Variants in ARL15 observed in about 807,000 individuals in gnomAD.
ARL15 encodes ARF like GTPase 15.
In ARL15, 19 loss-of-function variants were observed where a neutral mutation model predicts 25.2. That is an observed-to-expected ratio of 0.75 (90% CI 0.53 to 1.10). The LOEUF (loss-of-function observed/expected upper bound fraction) is 1.10, where lower values mean the gene tolerates loss of function less well. Ranked by LOEUF, ARL15 falls within the 50% of genes least tolerant of loss-of-function variation. The pLI, the probability that ARL15 is intolerant of heterozygous loss-of-function variation, is 0.00. For synonymous variants in ARL15, 94 were observed against 86.8 expected (o/e 1.08, Z -0.46); for missense variants, 220 against 246.0 (o/e 0.89, Z 0.71).
At chr5:54,155,346 T>C (rs1387224948) in intron 2 of ARL15, among the ~76,000 whole-genome samples, 1 of 152,156 alleles carries the variant, frequency 6.6e-6, no homozygotes, top group African/African-American at 2.4e-5. Flanking sequence ...AAAGTTAATG[T>C]CTTATAATTC....
At chr5:54,167,268 G>A (rs1018806647) in intron 2 of ARL15, among the ~76,000 whole-genome samples, 1 of 152,066 alleles carries the variant, frequency 6.6e-6, no homozygotes, top group African/African-American at 2.4e-5. Context: ...TTCTCTCTCT[G>A]TACAACTCTT....
chr5:54,209,366 G>A (rs1201177208), intron 1 of ARL15, among the ~76,000 whole-genome samples: 1 of 151,832 alleles, frequency 6.6e-6, no homozygotes, highest in African/African-American at 2.4e-5. Context: ...GCTAAATACA[G>A]TAGTTGAAAT....
At chr5:54,177,755 A>G (rs1428170603) in intron 1 of ARL15, among the ~76,000 whole-genome samples, 2 of 152,092 alleles carry the variant, frequency 1.3e-5, no homozygotes, top group Non-Finnish European at 2.9e-5. Context: ...ATTCCTTCAC[A>G]TGGTCTGAGC....
chr5:54,291,910 A>G (rs1361768704), intron 1 of ARL15, among the ~76,000 whole-genome samples: 1 of 152,158 alleles, frequency 6.6e-6, no homozygotes, highest in Non-Finnish European at 1.5e-5. Flanking sequence ...TTGGGTTCAC[A>G]GCCAATTTCT....
At chr5:54,116,461 T>C (rs1050012647) in intron 3 of ARL15, among the ~76,000 whole-genome samples, 1 of 152,096 alleles carries the variant, frequency 6.6e-6, no homozygotes, top group Admixed American at 6.6e-5. Context: ...ACAAAAATAG[T>C]GTGCATGTGT....
At chr5:54,014,346 A>C (rs777508466) in intron 4 of ARL15, among the ~76,000 whole-genome samples, 1 of 152,128 alleles carries the variant, frequency 6.6e-6, no homozygotes, top group Non-Finnish European at 1.5e-5. Context: ...TCTTGTACCT[A>C]TTGCAGAAAA....
chr5:54,038,841 T>C (rs944800265), intron 4 of ARL15, among the ~76,000 whole-genome samples: 63 of 152,244 alleles, frequency 4.1e-4, no homozygotes, highest in African/African-American at 1.4e-3. Flanking sequence ...CATTTCCAAA[T>C]TATAAATTCA....
At chr5:54,047,533 T>A (rs1412135738) in intron 4 of ARL15, among the ~76,000 whole-genome samples, 1 of 152,204 alleles carries the variant, frequency 6.6e-6, no homozygotes, top group Non-Finnish European at 1.5e-5. Flanking sequence ...AGTAAAGGAC[T>A]CTGCTAGGGC....
intron 2 of ARL15, among the ~76,000 whole-genome samples, chr5:54,160,774 G>A (rs1754380748): frequency 6.6e-6 from 1 of 152,264 alleles, no homozygotes; most frequent in South Asian, 2.1e-4. Context: ...TTCTCTTTCT[G>A]AAGAAAAGGC....
intron 1 of ARL15, among the ~76,000 whole-genome samples, chr5:54,274,985 CTG>C (rs559393422): frequency 2.4e-4 from 36 of 152,344 alleles, no homozygotes; most frequent in African/African-American, 8.2e-4. Context: ...AGGAACAACT[CTG>C]TGTGCTTATG....
At chr5:54,214,507 C>G (rs1376821809) in intron 1 of ARL15, among the ~76,000 whole-genome samples, 1 of 152,150 alleles carries the variant, frequency 6.6e-6, no homozygotes, top group Non-Finnish European at 1.5e-5. Context: ...GCCTCTTCAC[C>G]ATTTGTCATT....
chr5:54,232,065 C>T (rs6892938), intron 1 of ARL15, among the ~76,000 whole-genome samples: 10,992 of 152,172 alleles, frequency 0.072, 529 homozygotes, highest in African/African-American at 0.13. Context: ...CTCCAGAACC[C>T]TCTCCTTTTC....
intron 1 of ARL15, among the ~76,000 whole-genome samples, chr5:54,290,200 T>G (rs1214572408): frequency 1.3e-5 from 2 of 152,228 alleles, no homozygotes; most frequent in Admixed American, 6.5e-5. Context: ...AACATCCATT[T>G]TTTAGCCAGG....
chr5:54,129,101 C>G (rs1477168642), intron 3 of ARL15, among the ~76,000 whole-genome samples: 1 of 152,058 alleles, frequency 6.6e-6, no homozygotes, highest in East Asian at 1.9e-4. Flanking sequence ...GCATTAAAAA[C>G]AACAAAAAAA....
intron 4 of ARL15, among the ~76,000 whole-genome samples, chr5:54,030,928 A>T (rs1461089885): frequency 2.0e-5 from 3 of 152,218 alleles, no homozygotes; most frequent in African/African-American, 7.2e-5. Context: ...TTAGGTCAAC[A>T]TGTTAAATTT....
intron 4 of ARL15, among the ~76,000 whole-genome samples, chr5:54,104,310 A>G (rs991940976): frequency 4.6e-5 from 7 of 152,216 alleles, no homozygotes; most frequent in African/African-American, 1.7e-4. Flanking sequence ...TTGCAATAAT[A>G]TTAGGGAATG....
At chr5:54,205,873 T>C (rs1755852295) in intron 1 of ARL15, among the ~76,000 whole-genome samples, 1 of 152,180 alleles carries the variant, frequency 6.6e-6, no homozygotes, top group African/African-American at 2.4e-5. Flanking sequence ...CTCAAATTCA[T>C]AATTTTCTGG....
At chr5:53,926,403 C>T (rs1012330774) in intron 4 of ARL15, among the ~76,000 whole-genome samples, 6 of 110,002 alleles carry the variant, frequency 5.5e-5, no homozygotes, top group African/African-American at 9.8e-5. Context: ...CATGCAGCCA[C>T]GGCGGGAAAA....
chr5:54,241,260 T>TA (rs1301597655), intron 1 of ARL15, among the ~76,000 whole-genome samples: 1 of 152,056 alleles, frequency 6.6e-6, no homozygotes, highest in African/African-American at 2.4e-5. Flanking sequence ...CTAGATTACC[T>TA]AAAAAAACCT....
Sources: gnomAD v4.1 joint callset for allele counts (sites outside exome capture counted in the v4.1 genomes callset) on GRCh38, gnomAD v4.1.1 for gene constraint, MANE v1.5 for transcripts, NCBI Gene and HGNC (gene_info 2026-07-23, HGNC 2026-07-21) for gene names.